Variants in CLIP2 observed in about 807,000 individuals in gnomAD.
CLIP2 encodes CAP-Gly domain containing linker protein 2.
CLIP2 carries 41 observed loss-of-function variants against 111.7 expected under a neutral mutation model. The ratio of observed to expected loss-of-function variants is 0.37; its 90% CI spans 0.29 to 0.48. CLIP2 has a LOEUF of 0.48. Ranked by LOEUF, CLIP2 falls within the 20% of genes least tolerant of loss-of-function variation. The probability of loss-of-function intolerance (pLI) is 0.99; values close to 1 mark genes in which losing one functional copy is unlikely to be tolerated. For missense variants in CLIP2, 1,160 were observed against 1,422.1 expected (o/e 0.82, Z 2.96); for synonymous variants, 660 against 644.2 (o/e 1.02, Z -0.37).
chr7:74,390,199 AAGAAAGAAAG>A (rs1215215748), intron 13 of CLIP2, among the ~76,000 whole-genome samples: 1 of 103,098 alleles, frequency 9.7e-6, no homozygotes, highest in Non-Finnish European at 2.3e-5. Context: ...GAAAGAAAGA[AAGAAAGAAAG>A]AAAGAAAGAA....
intron 1 of CLIP2, among the ~76,000 whole-genome samples, chr7:74,290,187 T>C (rs1453612638): frequency 2.0e-5 from 3 of 152,148 alleles, no homozygotes; most frequent in Admixed American, 2.0e-4. Flanking sequence ...GCAGCCCCCA[T>C]CTCCAAACCT....
At chr7:74,346,718 C>CA (rs1214324954) in intron 3 of CLIP2, among the ~76,000 whole-genome samples, 678 of 55,722 alleles carry the variant, frequency 0.012, 12 homozygotes, top group African/African-American at 0.018. Flanking sequence ...GTAAGATTCT[C>CA]AAAAAAAAAA....
chr7:74,320,935 G>T (rs1788932843), intron 2 of CLIP2, among the ~76,000 whole-genome samples: 1 of 138,218 alleles, frequency 7.2e-6, no homozygotes, highest in African/African-American at 2.5e-5. Context: ...CCAACCCTGG[G>T]GCTGGGGCAT....
chr7:74,369,673 A>G (rs1554311506), intron 8 of CLIP2, among the ~76,000 whole-genome samples: 2 of 151,568 alleles, frequency 1.3e-5, no homozygotes, highest in Non-Finnish European at 2.9e-5. Context: ...CCTGGCTAAC[A>G]TGGTGAAACC....
At chr7:74,298,278 T>G (rs1554726332) in intron 1 of CLIP2, among the ~76,000 whole-genome samples, 3 of 151,824 alleles carry the variant, frequency 2.0e-5, no homozygotes, top group Non-Finnish European at 4.4e-5. Flanking sequence ...CTCCACCTTC[T>G]GGGTTCAAGC....
At chr7:74,309,781 C>A (rs1299477283) in intron 1 of CLIP2, among the ~76,000 whole-genome samples, 1 of 151,200 alleles carries the variant, frequency 6.6e-6, no homozygotes, top group Non-Finnish European at 1.5e-5. Context: ...TCGCTTGAAC[C>A]CGGGAGAATC....
intron 6 of CLIP2, 131 bp from the exon 7 acceptor site, chr7:74,360,044 G>T: frequency 1.5e-6 from 1 of 672,678 alleles, no homozygotes; most frequent in Non-Finnish European, 2.5e-6. Flanking sequence ...ATGCCCGGCA[G>T]GTGCCAGCAG....
At chr7:74,330,509 G>A (rs1789249938) in intron 2 of CLIP2, among the ~76,000 whole-genome samples, 1 of 151,922 alleles carries the variant, frequency 6.6e-6, no homozygotes, top group Non-Finnish European at 1.5e-5. Flanking sequence ...CGCCTGCCTT[G>A]GTCTCCCAAA....
rs2116501987 is a variant in CLIP2, at chr7:74,317,597, C to T, written c.51C>T (p.Ser17=). 6.6e-7 allele frequency: 1 copy of T among 1,519,532 alleles called. No homozygotes were observed. Among genetic ancestry groups the T allele is most frequent in the South Asian group, 1.3e-5 (1 of 78,754 alleles). 94.1% of individuals were successfully genotyped at this position (1,519,532 alleles called of 1,614,324 possible). A position where few individuals can be genotyped will look rare whatever the true frequency, so the allele number is the denominator to read the frequency against. The change falls in exon 2 of 17, where the codon TCC becomes TCT. Residue 17 remains serine (S), a synonymous_variant. Coordinates refer to ENST00000223398, the MANE Select transcript of CLIP2 (RefSeq NM_003388.5). Reference sequence around the variant, plus strand: ...CCCCCGGCCGTGGGGGGAAGCACTCCAGCCCCATGGGCCGGACATCTACTG... The same window carrying T: ...CCCCCGGCCGTGGGGGGAAGCACTCTAGCCCCATGGGCCGGACATCTACTG... ...LKPPGRGGKH[S]SPMGRTSTGS...
chr7:74,397,194 G>A lies in CLIP2; in HGVS notation c.2841G>A (p.Lys947=), dbSNP rs961445933. ...GGCGGATCAAGGAGCAGAAACTCAAGGATGACATCCGGGGCCTGCGTGAAA... is the reference window on the plus strand; with the variant it reads ...GGCGGATCAAGGAGCAGAAACTCAAAGATGACATCCGGGGCCTGCGTGAAA... ...AEWRIKEQKL[K]DDIRGLREKL... is the part of the protein sequence containing the mutation. Residue 947 remains lysine (K), a synonymous_variant, in exon 14 of 17, where the codon AAG becomes AAA. Coordinates refer to ENST00000223398, the MANE Select transcript of CLIP2 (RefSeq NM_003388.5). The A allele has an allele frequency of 3.7e-6, 6 of 1,613,914 alleles. No homozygotes were observed. The highest frequency in any genetic ancestry group is 4.2e-6 in the Non-Finnish European group (5 of 1,179,980).
Position 74,338,896 on chromosome 7 carries a change from C to G in CLIP2, c.570C>G (p.Ser190Arg). The G allele has an allele frequency of 1.9e-6, 3 of 1,604,942 alleles. No homozygotes were observed. The highest frequency in any genetic ancestry group is 2.5e-6 in the Non-Finnish European group (3 of 1,179,890). The change falls in exon 3 of 17, where the codon AGC becomes AGG. Residue 190 changes from serine to arginine, a missense_variant. By Grantham distance (110) the Ser-to-Arg change is moderately radical. Around this residue, in one of 5 missense-constraint regions of CLIP2, gnomAD observed 301 missense variants for 315.2 expected, o/e 0.96. Transcript: ENST00000223398. The surrounding 1 kb of genome is among the most constrained non-coding windows in gnomAD (Gnocchi z 4.3). ...GCCGCGTCATCCCCCTGCGGGAGAGCGTCCTCAACAGCTCCGTGAAGACTG... is the reference window on the plus strand; with the variant it reads ...GCCGCGTCATCCCCCTGCGGGAGAGGGTCCTCAACAGCTCCGTGAAGACTG... ...LTSRVIPLRESVLNSSVKTGN... is the reference protein window; with the variant it reads ...LTSRVIPLRERVLNSSVKTGN...
intron 2 of CLIP2, among the ~76,000 whole-genome samples, chr7:74,337,689 G>C (rs552062543): frequency 4.0e-5 from 6 of 151,662 alleles, no homozygotes; most frequent in Admixed American, 2.0e-4. Flanking sequence ...TCCACCTCTC[G>C]AGTTCAAGTG....
At chr7:74,293,064 C>A (rs949916018) in intron 1 of CLIP2, among the ~76,000 whole-genome samples, 1 of 152,194 alleles carries the variant, frequency 6.6e-6, no homozygotes, top group African/African-American at 2.4e-5. Flanking sequence ...GCTGACGTGG[C>A]CCCTTTAATA....
At chr7:74,385,606 A>G in intron 11 of CLIP2, among the ~76,000 whole-genome samples, 1 of 152,168 alleles carries the variant, frequency 6.6e-6, no homozygotes, top group East Asian at 1.9e-4. Context: ...AGGAGCACCC[A>G]GGCTTGAATA....
chr7:74,343,772 G>A (rs1421459239), intron 3 of CLIP2, among the ~76,000 whole-genome samples: 1 of 151,750 alleles, frequency 6.6e-6, no homozygotes, highest in African/African-American at 2.4e-5. Context: ...GCATGGCGGT[G>A]CATGCCTATG....
intron 8 of CLIP2, among the ~76,000 whole-genome samples, chr7:74,368,343 C>T (rs1790515292): frequency 6.6e-6 from 1 of 151,934 alleles, no homozygotes; most frequent in African/African-American, 2.4e-5. Flanking sequence ...TAGTGAAACC[C>T]CGTCTCTAGT....
intron 1 of CLIP2, among the ~76,000 whole-genome samples, chr7:74,290,347 T>C (rs2261330): frequency 0.72 from 110,046 of 152,170 alleles, 40,889 homozygotes; most frequent in African/African-American, 0.9. Context: ...TCAGGGGGTG[T>C]CCCCCCAAGC....
At chr7:74,347,540 T>A (rs369132799) in intron 3 of CLIP2, among the ~76,000 whole-genome samples, 1 of 152,082 alleles carries the variant, frequency 6.6e-6, no homozygotes, top group Admixed American at 6.6e-5. Context: ...AGTGCTGGGA[T>A]TACAGGCGTG....
chr7:74,372,832 CTCTCTCTCT>C (rs1200549968), intron 8 of CLIP2, 91 bp from the exon 9 acceptor site: 1 of 634,206 alleles, frequency 1.6e-6, no homozygotes, highest in Non-Finnish European at 2.7e-6. Flanking sequence ...TCCTCTCTCT[CTCTCTCTCT>C]TTCTCTCTCT....
Sources: allele counts gnomAD v4.1 joint callset (sites outside exome capture counted in the v4.1 genomes callset), GRCh38; gene constraint gnomAD v4.1.1; regional missense constraint gnomAD v4.1.1; non-coding constraint Gnocchi (gnomAD v3.1); transcripts MANE v1.5; gene names NCBI Gene and HGNC (gene_info 2026-07-23, HGNC 2026-07-21).